GRID2: variants seen among roughly 807,000 people sequenced by gnomAD.
The protein encoded by GRID2 is glutamate ionotropic receptor delta type subunit 2.
A neutral mutation model predicts 114.8 loss-of-function variants in GRID2; 33 were observed. The observed-to-expected ratio is 0.29, with a 90% confidence interval of 0.22 to 0.38. The LOEUF (loss-of-function observed/expected upper bound fraction) is 0.38, where lower values mean the gene tolerates loss of function less well. GRID2 is among the 10% of genes least tolerant of loss of function. The pLI, the probability that GRID2 is intolerant of heterozygous loss-of-function variation, is 1.00. For synonymous variants in GRID2, 505 were observed against 449.9 expected (o/e 1.12, Z -1.55); for missense variants, 1,184 against 1,257.7 (o/e 0.94, Z 0.89).
At chr4:92,946,083 A>C (rs1578563130) in intron 2 of GRID2, among the ~76,000 whole-genome samples, 1 of 152,094 alleles carries the variant, frequency 6.6e-6, no homozygotes, top group African/African-American at 2.4e-5. Context: ...GTCTCATATG[A>C]GGAGAAAATT....
At chr4:92,532,582 A>G (rs1041858274) in intron 1 of GRID2, among the ~76,000 whole-genome samples, 3 of 152,138 alleles carry the variant, frequency 2.0e-5, no homozygotes, top group African/African-American at 4.8e-5. Flanking sequence ...GCCCGTGTGT[A>G]GAATAATTTT....
chr4:92,345,472 A>G (rs1259279818), intron 1 of GRID2, among the ~76,000 whole-genome samples: 1 of 152,198 alleles, frequency 6.6e-6, no homozygotes, highest in Non-Finnish European at 1.5e-5. Context: ...GTAGATACCC[A>G]GTAGTGGGAT....
intron 14 of GRID2, among the ~76,000 whole-genome samples, chr4:93,759,925 A>G (rs938366445): frequency 1.1e-4 from 16 of 152,214 alleles, no homozygotes; most frequent in African/African-American, 3.9e-4. Context: ...GATAATAAAG[A>G]TCTTGATGGT....
chr4:93,067,542 C>T (rs1728409573), intron 2 of GRID2, among the ~76,000 whole-genome samples: 1 of 151,996 alleles, frequency 6.6e-6, no homozygotes, highest in South Asian at 2.1e-4. Context: ...AATCACCTCC[C>T]AAAGACCCTA....
intron 8 of GRID2, among the ~76,000 whole-genome samples, chr4:93,374,848 A>G (rs138448357): frequency 6.6e-6 from 1 of 152,188 alleles, no homozygotes; most frequent in South Asian, 2.1e-4. Context: ...CGTTCCCTAC[A>G]TTTATTTTCC....
intron 14 of GRID2, among the ~76,000 whole-genome samples, chr4:93,633,847 T>TTGGAAAGC (rs1222848828): frequency 1.3e-5 from 2 of 152,138 alleles, no homozygotes; most frequent in Admixed American, 1.3e-4. Context: ...AATCCTTTAA[T>TTGGAAAGC]ACCCCAATTG....
At chr4:93,124,788 A>C (rs1336038002) in intron 4 of GRID2, among the ~76,000 whole-genome samples, 1 of 152,182 alleles carries the variant, frequency 6.6e-6, no homozygotes, top group Non-Finnish European at 1.5e-5. Flanking sequence ...CTGTCTTGAC[A>C]GAGCAAATTA....
chr4:93,766,883 G>T (rs979794241), intron 14 of GRID2, among the ~76,000 whole-genome samples: 11 of 152,120 alleles, frequency 7.2e-5, no homozygotes, highest in Non-Finnish European at 1.3e-4. Flanking sequence ...TAGTTACAAT[G>T]TTGTACAGTA....
chr4:93,504,564 G>A (rs1366312621), intron 12 of GRID2, among the ~76,000 whole-genome samples: 2 of 152,100 alleles, frequency 1.3e-5, no homozygotes, highest in African/African-American at 4.8e-5. Context: ...TAATAGGGAC[G>A]AATATGTGAT....
Position 93,282,593 on chromosome 4 carries a change from C to T in GRID2, c.1245+44103C>T, listed in dbSNP as rs578044009. On this transcript the variant is annotated intron_variant, in intron 8 of 15. Coordinates refer to ENST00000282020, the MANE Select transcript of GRID2 (RefSeq NM_001510.4). ...TCAATGATAGCAGAGTCTTCATGAA[C>T]TAATTACCTCTTGAACATCCCACCT... Among the ~76,000 whole-genome samples the T allele has an allele frequency of 2.7e-4, 41 of 152,102 alleles. 1 individual carries two copies. The highest frequency in any genetic ancestry group is 9.6e-4 in the African/African-American group (40 of 41,530).
At chr4:92,697,951 A>T (rs1734497882) in intron 2 of GRID2, among the ~76,000 whole-genome samples, 1 of 152,168 alleles carries the variant, frequency 6.6e-6, no homozygotes, top group South Asian at 2.1e-4. Context: ...TAGGTAGTTG[A>T]GTCTTTTTTT....
At chr4:93,178,867 T>C (rs1026462651) in intron 4 of GRID2, among the ~76,000 whole-genome samples, 3 of 152,160 alleles carry the variant, frequency 2.0e-5, no homozygotes, top group Non-Finnish European at 4.4e-5. Context: ...TTTATTTCTA[T>C]TAAGTGTCTA....
intron 2 of GRID2, among the ~76,000 whole-genome samples, chr4:92,693,361 A>G (rs2149294843): frequency 6.6e-6 from 1 of 152,338 alleles, no homozygotes; most frequent in Non-Finnish European, 1.5e-5. Flanking sequence ...AAAATCCTGT[A>G]GACATAAATA....
rs1261184166 is a variant in GRID2, at chr4:92,906,759, C to T, written c.245-178236C>T. Among the ~76,000 whole-genome samples, 3 of 152,226 alleles carry T rather than the reference C, an allele frequency of 2.0e-5. No homozygotes were observed. In the East Asian group the frequency reaches 5.8e-4, roughly 29 times the overall value. ...TCAGCCACACGAGTAGCTGGGACTA[C>T]AGGCACCTCCATTAATAACTACTAG... On this transcript the variant is annotated intron_variant, in intron 2 of 15. Transcript: ENST00000282020.
At chr4:93,022,481 G>T (rs1723471913) in intron 2 of GRID2, among the ~76,000 whole-genome samples, 1 of 151,848 alleles carries the variant, frequency 6.6e-6, no homozygotes, top group Non-Finnish European at 1.5e-5. Context: ...TATGAACAAT[G>T]TTGTAATGAA....
intron 9 of GRID2, 37 bp from the exon 10 acceptor site, chr4:93,422,734 T>C (rs1768413535): frequency 2.3e-6 from 3 of 1,306,328 alleles, no homozygotes; most frequent in Non-Finnish European, 2.2e-6. Context: ...GGGAGCACTA[T>C]AGATTGACAT....
intron 14 of GRID2, among the ~76,000 whole-genome samples, chr4:93,646,320 A>C (rs6836410): frequency 2.6e-5 from 4 of 152,102 alleles, no homozygotes; most frequent in Admixed American, 1.3e-4. Context: ...CCTCAAATGG[A>C]AATTTTGGAG....
intron 12 of GRID2, among the ~76,000 whole-genome samples, chr4:93,497,905 A>C (rs10010161): frequency 6.6e-6 from 1 of 151,612 alleles, no homozygotes; most frequent in Non-Finnish European, 1.5e-5. Context: ...CATTAAATAA[A>C]TTGGAGTGAG....
intron 8 of GRID2, among the ~76,000 whole-genome samples, chr4:93,366,806 T>C (rs1330010093): frequency 6.6e-6 from 1 of 151,910 alleles, no homozygotes; most frequent in Non-Finnish European, 1.5e-5. Context: ...TTAAGGAAAA[T>C]AGAAAAGAAC....
Sources: allele counts gnomAD v4.1 joint callset (sites outside exome capture counted in the v4.1 genomes callset), GRCh38; gene constraint gnomAD v4.1.1; transcripts MANE v1.5; gene names NCBI Gene and HGNC (gene_info 2026-07-23, HGNC 2026-07-21).